The following OR11A1 variants were observed in gnomAD, a reference collection of about 807,000 sequenced individuals.
The protein encoded by OR11A1 is olfactory receptor family 11 subfamily A member 1.
For synonymous variants in OR11A1, 158 were observed against 152.2 expected, an observed-to-expected ratio of 1.04 and a Z score of -0.28; for missense variants, 380 against 378.2, an observed-to-expected ratio of 1.00 and a Z score of -0.04.
chr6:29,432,601 T>A (rs534095243), intron 1 of OR11A1, among the ~76,000 whole-genome samples: 1 of 152,288 alleles, frequency 6.6e-6, no homozygotes, highest in South Asian at 2.1e-4. Flanking sequence ...TGAGCCTGAT[T>A]TAAGGAGAAG....
intron 1 of OR11A1, among the ~76,000 whole-genome samples, chr6:29,454,961 TTTA>T (rs1199496041): frequency 6.6e-6 from 1 of 152,172 alleles, no homozygotes; most frequent in Non-Finnish European, 1.5e-5. Context: ...TTCATAATAT[TTTA>T]TTATATGTAT....
intron 1 of OR11A1, among the ~76,000 whole-genome samples, chr6:29,449,217 T>C (rs1785081495): frequency 6.6e-6 from 1 of 152,184 alleles, no homozygotes; most frequent in Admixed American, 6.5e-5. Flanking sequence ...GATATGTCAG[T>C]GTAAGTTTAT....
chr6:29,439,700 T>C, intron 1 of OR11A1: 1 of 394,960 alleles, frequency 2.5e-6, no homozygotes, highest in Non-Finnish European at 4.5e-6. Flanking sequence ...ACTGACTTAA[T>C]CTTCAGCCCA....
At position 29,456,746 on chromosome 6, in the gene OR11A1, C is replaced by A. The variant is rs148567973; in HGVS notation, c.-389+241G>T. Among the ~76,000 whole-genome samples, 1,004 of 152,248 alleles carry A rather than the reference C, an allele frequency of 6.6e-3. 9 individuals are homozygous for A. The highest frequency in any genetic ancestry group is 0.01 in the Middle Eastern group (3 of 294). Reference sequence around the variant, plus strand: ...CTCTATTACAGCATAAAAAGTTATCCCAAAACTTAATGGCTTCAAACAACA... The same window carrying A: ...CTCTATTACAGCATAAAAAGTTATCACAAAACTTAATGGCTTCAAACAACA... On this transcript the variant is annotated intron_variant, in intron 1 of 4. Transcript: ENST00000377149.
intron 1 of OR11A1, among the ~76,000 whole-genome samples, chr6:29,441,601 T>A (rs1049506639): frequency 2.0e-5 from 3 of 152,218 alleles, no homozygotes; most frequent in African/African-American, 4.8e-5. Context: ...TTAATTTTTT[T>A]AAATTTTATT....
chr6:29,453,946 G>T lies in OR11A1; in HGVS notation c.-389+3041C>A, dbSNP rs1785736522. 6.6e-6 allele frequency among the ~76,000 whole-genome samples: 1 copy of T among 152,110 alleles called. No individual in the cohort carries two copies. Among genetic ancestry groups the T allele is most frequent in the African/African-American group, 2.4e-5 (1 of 41,416 alleles). On this transcript the variant is annotated intron_variant, in intron 1 of 4. Transcript: ENST00000377149. This position sits in a 1 kb window ranked among gnomAD's most constrained non-coding sequence, Gnocchi z 4.5. ...AACACTAAGCTGTGCAAGAACAAGGGAAACTTCTGGGATCCAAGATTTTAA... is the reference window on the plus strand; with the variant it reads ...AACACTAAGCTGTGCAAGAACAAGGTAAACTTCTGGGATCCAAGATTTTAA...
chr6:29,448,471 C>T (rs1265070724), intron 1 of OR11A1, among the ~76,000 whole-genome samples: 2 of 152,112 alleles, frequency 1.3e-5, no homozygotes. Context: ...ATTTGGATGC[C>T]CCATAAGGGT....
At chr6:29,443,212 GCAATCACGAAA>G in intron 1 of OR11A1, among the ~76,000 whole-genome samples, 9 of 152,086 alleles carry the variant, frequency 5.9e-5, no homozygotes, top group African/African-American at 2.2e-4. Flanking sequence ...CATTATAGGC[GCAATCACGAAA>G]TGAACATATC....
At chr6:29,440,867 C>T (rs1293697761) in intron 1 of OR11A1, 2 of 1,613,810 alleles carry the variant, frequency 1.2e-6, no homozygotes, top group African/African-American at 2.7e-5. Context: ...CCCCCATCCT[C>T]AACCCCATCA....
At chr6:29,437,301 A>G (rs1160234230) in intron 1 of OR11A1, among the ~76,000 whole-genome samples, 4 of 152,348 alleles carry the variant, frequency 2.6e-5, no homozygotes, top group East Asian at 3.9e-4. Context: ...ATGTCCAACA[A>G]TGATAGACTG....
At chr6:29,439,978 C>A (rs914402261) in intron 1 of OR11A1, 13 of 1,538,108 alleles carry the variant, frequency 8.5e-6, no homozygotes, top group Non-Finnish European at 1.1e-5. Context: ...TTTTCCTTGC[C>A]ATTTCTTTTG....
rs1785708245 is a variant in OR11A1 at position 29,453,724 on chromosome 6, T to A, written c.-389+3263A>T. 6.6e-6 allele frequency among the ~76,000 whole-genome samples: 1 copy of A among 152,166 alleles called. No homozygotes were observed. The highest frequency in any genetic ancestry group is 2.4e-5 in the African/African-American group (1 of 41,440). On this transcript the variant is annotated intron_variant, in intron 1 of 4. Transcript: ENST00000377149. This position sits in a 1 kb window ranked among gnomAD's most constrained non-coding sequence, Gnocchi z 4.5. ...AAGAATTAGATAAGATCTCTACACA[T>A]TCCTGGCTGACTGGGAAACTACAGG...
intron 2 of OR11A1, 27 bp downstream of exon 2, chr6:29,431,837 T>A (rs1184977515): frequency 1.0e-6 from 1 of 984,694 alleles, no homozygotes; most frequent in Non-Finnish European, 1.2e-6. Flanking sequence ...AACTAAGCTG[T>A]AAAGAATTTT....
intron 1 of OR11A1, among the ~76,000 whole-genome samples, chr6:29,452,326 A>G (rs991375542): frequency 2.6e-5 from 4 of 152,180 alleles, no homozygotes; most frequent in Non-Finnish European, 4.4e-5. Flanking sequence ...CCTTGAAACT[A>G]AAATAAAAAT....
Position 29,427,701 on chromosome 6 carries a change from C to A in OR11A1, c.-60G>T. 1 of 1,551,336 alleles carries A rather than the reference C, an allele frequency of 6.4e-7. No individual in the cohort carries two copies. Among genetic ancestry groups the A allele is most frequent in the South Asian group, 1.3e-5 (1 of 79,682 alleles). On this transcript the variant is annotated 5_prime_UTR_variant, in exon 5 of 5. An upstream start codon of the reference 5' UTR is lost. Transcript: ENST00000377149. ...GGGGAGAAATTTTAGCATGTCTCTG[C>A]ATCTTCTATACCAAGCCTAACGTTA... is the stretch of plus-strand genomic sequence containing the variant.
rs114095477 is a variant in OR11A1 at position 29,434,360 on chromosome 6, C to T, written c.-388-2373G>A. The stretch of plus-strand genomic sequence containing the variant: ...CTCATATATTGAGTGTCATAAGGAT[C>T]CAATTTCATTCTTCTGCATGTGGAT... On this transcript the variant is annotated intron_variant, in intron 1 of 4. Coordinates refer to ENST00000377149, the MANE Select transcript of OR11A1 (RefSeq NM_001394828.1). Among the ~76,000 whole-genome samples the T allele has an allele frequency of 8.0e-3, 1,213 of 152,230 alleles. 12 individuals are homozygous for T. The highest frequency in any genetic ancestry group is 0.025 in the East Asian group (131 of 5,184).
At chr6:29,432,099 C>CT (rs1473884936) in intron 1 of OR11A1, 112 bp from the exon 2 acceptor site, 6 of 705,980 alleles carry the variant, frequency 8.5e-6, no homozygotes. Context: ...CTATTCTGTC[C>CT]TTTCATCGCA....
In OR11A1 at chr6:29,431,911, T is replaced by A. The variant is rs1011492803; in HGVS notation, c.-312A>T. The A allele has an allele frequency of 1.0e-6, 1 of 985,198 alleles. No individual in the cohort carries two copies. The highest frequency in any genetic ancestry group is 1.7e-5 in the African/African-American group (1 of 57,230). The allele number at this position is 985,198 out of a possible 1,614,324, so 61.0% of individuals were successfully genotyped here. Reference sequence around the variant, plus strand: ...TAAAGACAGGACTGTGAGGAGGAGATGATCTGCTAAGATTTGCTGAAGACT... The same window carrying A: ...TAAAGACAGGACTGTGAGGAGGAGAAGATCTGCTAAGATTTGCTGAAGACT... On this transcript the variant is annotated 5_prime_UTR_variant, in exon 2 of 5. Coordinates refer to ENST00000377149, the MANE Select transcript of OR11A1 (RefSeq NM_001394828.1).
chr6:29,446,509 A>G (rs7738722), intron 1 of OR11A1, among the ~76,000 whole-genome samples: 15,122 of 152,210 alleles, frequency 0.099, 1,377 homozygotes, highest in African/African-American at 0.24. Context: ...AACCTTCTTA[A>G]CCAATTAGAG....
Sources: gnomAD v4.1 joint callset for allele counts (sites outside exome capture counted in the v4.1 genomes callset) on GRCh38, gnomAD v4.1.1 for gene constraint, Gnocchi (gnomAD v3.1) non-coding constraint, MANE v1.5 for transcripts, NCBI Gene and HGNC (gene_info 2026-07-23, HGNC 2026-07-21) for gene names.